IVD: variants seen among roughly 807,000 people sequenced by gnomAD.
IVD encodes the protein isovaleryl-CoA dehydrogenase, also known as isovaleryl-CoA dehydrogenase, mitochondrial.
Under a neutral mutation model 51.3 loss-of-function variants are expected in IVD, and 31 were observed. The ratio of observed to expected loss-of-function variants is 0.60; its 90% confidence interval spans 0.45 to 0.81. The LOEUF (loss-of-function observed/expected upper bound fraction) is 0.81, where lower values mean the gene tolerates loss of function less well. IVD is among the 40% of genes least tolerant of loss of function. The pLI is 0.00. For synonymous variants in IVD, 205 were observed against 219.4 expected, an observed-to-expected ratio of 0.93 and a Z score of 0.58; for missense variants, 475 against 552.0, an observed-to-expected ratio of 0.86 and a Z score of 1.40.
downstream of IVD, among the ~76,000 whole-genome samples, chr15:40,426,303 C>T (rs1336811124): frequency 1.4e-4 from 21 of 152,028 alleles, 3 homozygotes; most frequent in African/African-American, 4.6e-4. Flanking sequence ...TTTGGGAGGC[C>T]GAGGCGGGTG....
chr15:40,418,091 A>G (rs1891905258), intron 11 of IVD, 39 bp from the exon 12 acceptor site: 1 of 1,612,938 alleles, frequency 6.2e-7, no homozygotes, highest in East Asian at 2.2e-5. Flanking sequence ...TTGTTTTGTC[A>G]ATCACTTCCT....
chr15:40,423,118 T>G (rs1892459939), downstream of IVD, among the ~76,000 whole-genome samples: 1 of 151,898 alleles, frequency 6.6e-6, no homozygotes, highest in Non-Finnish European at 1.5e-5. Context: ...TTTGTATTTT[T>G]TGTAGAGCCG....
At chr15:40,415,156 G>A in intron 8 of IVD, 174 bp downstream of exon 8, 1 of 809,572 alleles carries the variant, frequency 1.2e-6, no homozygotes, top group East Asian at 2.7e-5. Context: ...TCTTCCCACA[G>A]TGGGGAAATA....
At chr15:40,428,369 C>T (rs927376379), downstream of IVD, among the ~76,000 whole-genome samples, 1 of 152,072 alleles carries the variant, frequency 6.6e-6, no homozygotes, top group Admixed American at 6.6e-5. Context: ...TACCTCTTCC[C>T]AGCCCCTCTC....
In IVD at chr15:40,412,983, C is replaced by T. The variant is rs748867517; in HGVS notation, c.688-8C>T. The T allele has an allele frequency of 2.5e-6, 4 of 1,612,806 alleles. No individual in the cohort carries two copies. Among genetic ancestry groups the T allele is most frequent in the South Asian group, 2.2e-5 (2 of 91,056 alleles). ...TGTAACCAGGACCACCTTTTGTTTC[C>T]TGTAAAGGGTATGCCTGGCTTTAGC... On this transcript the variant is annotated splice_region_variant and splice_polypyrimidine_tract_variant and intron_variant, in intron 6 of 11. Coordinates refer to ENST00000487418, the MANE Select transcript of IVD (RefSeq NM_002225.5).
intron 11 of IVD, among the ~76,000 whole-genome samples, chr15:40,417,644 A>T (rs1481013342): frequency 6.6e-6 from 1 of 152,062 alleles, no homozygotes; most frequent in Non-Finnish European, 1.5e-5. Flanking sequence ...TGTGCAGCCT[A>T]TCTATGCTAT....
In IVD at chr15:40,416,100, A is replaced by G; in HGVS notation, c.983A>G (p.Asp328Gly). 2 of 1,614,272 alleles carry G rather than the reference A, an allele frequency of 1.2e-6. No individual in the cohort carries two copies. The highest frequency in any genetic ancestry group is 1.7e-6 in the Non-Finnish European group (2 of 1,180,052). Residue 328 changes from aspartate (D) to glycine (G), a missense_variant, in exon 10 of 12, where the codon GAC becomes GGC. Asp to Gly is a moderately conservative substitution (Grantham distance 94, BLOSUM62 -1). Coordinates refer to ENST00000487418, the MANE Select transcript of IVD (RefSeq NM_002225.5). ...CAGTTGATGCAGGGGAAGATGGCTG[A>G]CATGTACACCCGCCTCATGGCGTGT... ...HFQLMQGKMA[D>G]MYTRLMACRQ... is the part of the protein sequence containing the mutation.
intron 11 of IVD, 87 bp downstream of exon 11, chr15:40,416,449 G>A: frequency 8.2e-7 from 1 of 1,219,456 alleles, no homozygotes; most frequent in Non-Finnish European, 1.2e-6. Context: ...GGCGGGCGTG[G>A]TGGCTCACAC....
downstream of IVD, among the ~76,000 whole-genome samples, chr15:40,425,440 C>CTATATATATATATATATATATATATA (rs72252183): frequency 5.7e-4 from 78 of 137,794 alleles, no homozygotes; most frequent in African/African-American, 2.3e-3. Flanking sequence ...TGGACTCATA[C>CTATATATATATATATATATATATATA]TATATATATA....
At chr15:40,416,389 G>A (rs772408684) in intron 11 of IVD, 27 bp downstream of exon 11, 6 of 1,606,540 alleles carry the variant, frequency 3.7e-6, no homozygotes, top group South Asian at 1.1e-5. Context: ...TCCCAGTCCC[G>A]GGGCTCCCTC....
At chr15:40,424,152 T>A, downstream of IVD, 1 of 1,286,866 alleles carries the variant, frequency 7.8e-7, no homozygotes, top group Non-Finnish European at 1.0e-6. Flanking sequence ...CCCTCAACCC[T>A]TCCTCTACAC....
chr15:40,426,985 G>T (rs1418695453), downstream of IVD, among the ~76,000 whole-genome samples: 3 of 152,190 alleles, frequency 2.0e-5, no homozygotes, highest in Admixed American at 1.3e-4. Flanking sequence ...CATTTACCCT[G>T]CCAGGCAGCC....
At chr15:40,415,337 T>G in intron 8 of IVD, 64 bp from the exon 9 acceptor site, 3 of 1,396,394 alleles carry the variant, frequency 2.1e-6, no homozygotes, top group Non-Finnish European at 2.0e-6. Flanking sequence ...CACGCTAGCA[T>G]TTTGCCACCA....
rs1460782914 is a variant in IVD, at chr15:40,419,802, C to CT, written c.*1540dup. On this transcript the variant is annotated 3_prime_UTR_variant, in exon 12 of 12. Transcript: ENST00000487418. ...CCAGCTTGGACGACAGAGCGAGACT[C>CT]TGTCTCAAAAAATAATAGGCCAGGC... 1 of 151,332 alleles carries CT rather than the reference C, an allele frequency of 6.6e-6. No individual in the cohort carries two copies. Among genetic ancestry groups the CT allele is most frequent in the African/African-American group, 2.4e-5 (1 of 40,824 alleles). 9.4% of individuals were successfully genotyped at this position (151,332 alleles called of 1,614,324 possible).
At chr15:40,428,624 A>G (rs1308439004), downstream of IVD, among the ~76,000 whole-genome samples, 6 of 152,146 alleles carry the variant, frequency 3.9e-5, no homozygotes, top group Admixed American at 3.9e-4. Context: ...CTGGCCCTCC[A>G]GGCTGTCAGA....
rs530129218 is a variant in IVD at position 40,419,235 on chromosome 15, G to T, written c.*972G>T. The stretch of plus-strand genomic sequence containing the variant: ...TGAACACATATGCTTGCTTGGCCAG[G>T]CAAGGTGGTGTGTGCCTGTAATCCC... On this transcript the variant is annotated 3_prime_UTR_variant, in exon 12 of 12. Coordinates refer to ENST00000487418, the MANE Select transcript of IVD (RefSeq NM_002225.5). 1.6e-6 allele frequency: 2 copies of T among 1,289,324 alleles called. No homozygotes were observed. Among genetic ancestry groups the T allele is most frequent in the African/African-American group, 1.5e-5 (1 of 65,974 alleles). The allele number at this position is 1,289,324 out of a possible 1,614,324, so 79.9% of individuals were successfully genotyped here. A position where few individuals can be genotyped will look rare whatever the true frequency, so the allele number is the denominator to read the frequency against.
chr15:40,406,091 G>A, intron 1 of IVD, 120 bp downstream of exon 1: 1 of 1,533,866 alleles, frequency 6.5e-7, no homozygotes, highest in East Asian at 2.5e-5. Flanking sequence ...TTGCCCGTGG[G>A]CCGTTGGGAG....
chr15:40,422,217 T>G (rs1892355556), downstream of IVD, among the ~76,000 whole-genome samples: 1 of 133,804 alleles, frequency 7.5e-6, no homozygotes, highest in East Asian at 2.8e-4. Flanking sequence ...CGTTTTGTTT[T>G]AGCCAATAAG....
chr15:40,424,049 A>T, downstream of IVD: 2 of 801,078 alleles, frequency 2.5e-6, no homozygotes, highest in Non-Finnish European at 3.4e-6. Context: ...CTCACCCACC[A>T]CCCAGCCACT....
Sources: gnomAD v4.1 joint callset for allele counts (sites outside exome capture counted in the v4.1 genomes callset) on GRCh38, gnomAD v4.1.1 for gene constraint, MANE v1.5 for transcripts, NCBI Gene and HGNC (gene_info 2026-07-23, HGNC 2026-07-21) for gene names.